SLIT2: variants seen among roughly 807,000 people sequenced by gnomAD.
SLIT2 encodes slit guidance ligand 2.
SLIT2 carries 41 observed loss-of-function variants against 185.7 expected under a neutral mutation model. The ratio of observed to expected loss-of-function variants is 0.22; its 90% CI spans 0.17 to 0.29. The LOEUF (loss-of-function observed/expected upper bound fraction) is 0.29. SLIT2 is among the 10% of genes least tolerant of loss of function. The pLI is 1.00. For missense variants in SLIT2, 1,571 were observed against 1,909.0 expected (o/e 0.82, Z 3.30); for synonymous variants, 693 against 680.2 (o/e 1.02, Z -0.29).
At chr4:20,256,272 A>G (rs1711817071) in intron 1 of SLIT2, among the ~76,000 whole-genome samples, 3 of 150,572 alleles carry the variant, frequency 2.0e-5, no homozygotes, top group Admixed American at 6.6e-5. Context: ...CCTGAATAGC[A>G]TGAGAAAATT....
At chr4:20,259,369 T>C (rs1372154903) in intron 3 of SLIT2, among the ~76,000 whole-genome samples, 1 of 151,806 alleles carries the variant, frequency 6.6e-6, no homozygotes, top group Non-Finnish European at 1.5e-5. Context: ...GTAAAATGAA[T>C]AGATAATTTA....
At chr4:20,390,132 G>A (rs1011238485) in intron 4 of SLIT2, among the ~76,000 whole-genome samples, 2 of 152,004 alleles carry the variant, frequency 1.3e-5, no homozygotes, top group Non-Finnish European at 2.9e-5. Context: ...ATATTTCTCT[G>A]CTAGAGACTT....
In SLIT2 at chr4:20,617,651, G is replaced by A. The variant is rs753564288; in HGVS notation, c.4348+1G>A. 1 of 1,604,928 alleles carries A rather than the reference G, an allele frequency of 6.2e-7. No individual in the cohort carries two copies. Among genetic ancestry groups the A allele is most frequent in the Non-Finnish European group, 8.5e-7 (1 of 1,175,926 alleles). On this transcript the variant is annotated splice_donor_variant, in intron 36 of 36. Transcript: ENST00000504154. LOFTEE classifies it high-confidence loss of function. ...TACACGGGGGACAGCTGTGATCGAGGTAAGCCAGCCCCACTGGGCACCTCA... is the reference window on the plus strand; with the variant it reads ...TACACGGGGGACAGCTGTGATCGAGATAAGCCAGCCCCACTGGGCACCTCA...
chr4:20,544,554 G>A (rs914171248), intron 21 of SLIT2, among the ~76,000 whole-genome samples: 2 of 152,002 alleles, frequency 1.3e-5, no homozygotes, highest in Admixed American at 6.6e-5. Context: ...TATCTGTTTT[G>A]AATTCAAGTT....
chr4:20,336,546 G>A (rs1720513069), intron 4 of SLIT2, among the ~76,000 whole-genome samples: 1 of 152,106 alleles, frequency 6.6e-6, no homozygotes, highest in African/African-American at 2.4e-5. Context: ...TTGGGGGAGG[G>A]GAGAGGGATA....
intron 29 of SLIT2, among the ~76,000 whole-genome samples, chr4:20,585,163 A>G (rs545894131): frequency 1.1e-4 from 16 of 152,368 alleles, no homozygotes; most frequent in South Asian, 8.3e-4. Context: ...TGGCATTCGC[A>G]GATATTGGTT....
chr4:20,381,973 A>G (rs1364524729), intron 4 of SLIT2, among the ~76,000 whole-genome samples: 1 of 152,040 alleles, frequency 6.6e-6, no homozygotes, highest in East Asian at 1.9e-4. Flanking sequence ...ATACATAAAT[A>G]CAAAACTCCT....
chr4:20,466,733 C>A (rs1714395762), intron 4 of SLIT2, among the ~76,000 whole-genome samples: 1 of 152,050 alleles, frequency 6.6e-6, no homozygotes, highest in Admixed American at 6.6e-5. Context: ...TGGAAAATGG[C>A]TCTGTTTTCA....
chr4:20,502,905 G>T (rs928924358), intron 9 of SLIT2, among the ~76,000 whole-genome samples: 3 of 152,052 alleles, frequency 2.0e-5, no homozygotes, highest in African/African-American at 7.2e-5. Flanking sequence ...CTCTATAGGG[G>T]ATAATGAAGG....
intron 4 of SLIT2, among the ~76,000 whole-genome samples, chr4:20,291,944 G>GTGTGTGCATCC (rs1715994432): frequency 6.6e-6 from 1 of 151,142 alleles, no homozygotes; most frequent in Admixed American, 6.6e-5. Context: ...GTGTGTGCAT[G>GTGTGTGCATCC]TGTGTGCATC....
At chr4:20,499,123 T>G (rs1718481519) in intron 9 of SLIT2, among the ~76,000 whole-genome samples, 1 of 152,326 alleles carries the variant, frequency 6.6e-6, no homozygotes, top group East Asian at 1.9e-4. Context: ...TTGCTATTAT[T>G]TATCTGATGA....
chr4:20,257,998 A>C, intron 3 of SLIT2, 59 bp downstream of exon 3: 2 of 842,466 alleles, frequency 2.4e-6, no homozygotes, highest in South Asian at 3.2e-5. Context: ...AAAATACTTA[A>C]ATTTCAAGCA....
chr4:20,351,052 CT>C (rs71181559), intron 4 of SLIT2, among the ~76,000 whole-genome samples: 207 of 143,046 alleles, frequency 1.4e-3, no homozygotes, highest in East Asian at 0.011. Flanking sequence ...TTCTTTTTTT[CT>C]TTTTTTTTTT....
chr4:20,381,730 C>T (rs992667405), intron 4 of SLIT2, among the ~76,000 whole-genome samples: 1 of 152,044 alleles, frequency 6.6e-6, no homozygotes, highest in African/African-American at 2.4e-5. Context: ...TGTATGTCTT[C>T]ATTGGTGAAT....
chr4:20,471,372 C>T (rs910041834), intron 5 of SLIT2, among the ~76,000 whole-genome samples: 3 of 152,044 alleles, frequency 2.0e-5, no homozygotes, highest in Non-Finnish European at 4.4e-5. Context: ...CATAAGTCAT[C>T]GTCATGGCTC....
intron 4 of SLIT2, among the ~76,000 whole-genome samples, chr4:20,307,874 C>T (rs1717731432): frequency 6.6e-6 from 1 of 152,170 alleles, no homozygotes; most frequent in South Asian, 2.1e-4. Context: ...TTGAGACCCA[C>T]TGCCTGTCCC....
At chr4:20,572,060 C>T (rs1041144681) in intron 29 of SLIT2, among the ~76,000 whole-genome samples, 67 of 152,260 alleles carry the variant, frequency 4.4e-4, no homozygotes, top group African/African-American at 1.5e-3. Context: ...TGTTTAAGCC[C>T]TATGTGACCA....
At chr4:20,419,785 T>C (rs1189793288) in intron 4 of SLIT2, among the ~76,000 whole-genome samples, 1 of 151,292 alleles carries the variant, frequency 6.6e-6, no homozygotes, top group African/African-American at 2.4e-5. Flanking sequence ...ACAGCTTGCA[T>C]TAAAGTTGAA....
intron 25 of SLIT2, chr4:20,552,304 C>G (rs1723829869): frequency 6.6e-6 from 1 of 151,888 alleles, no homozygotes; most frequent in Non-Finnish European, 1.5e-5. Context: ...CAGCCTCCTC[C>G]CGCAACAGTG....
Sources: allele counts gnomAD v4.1 joint callset (sites outside exome capture counted in the v4.1 genomes callset), GRCh38; gene constraint gnomAD v4.1.1; transcripts MANE v1.5; gene names NCBI Gene and HGNC (gene_info 2026-07-23, HGNC 2026-07-21).